The following MAP7 variants were observed in gnomAD, a reference collection of about 807,000 sequenced individuals.
MAP7 encodes the protein ensconsin.
In MAP7, 52 loss-of-function variants were observed where a neutral mutation model predicts 94.8. That is an observed-to-expected ratio of 0.55 (90% CI 0.44 to 0.69). The LOEUF (loss-of-function observed/expected upper bound fraction) is 0.69, where lower values mean the gene tolerates loss of function less well. Ranked by LOEUF, MAP7 falls within the 30% of genes least tolerant of loss-of-function variation. The pLI is 0.00. For synonymous variants in MAP7, 350 were observed against 357.0 expected (o/e 0.98, Z 0.22); for missense variants, 940 against 964.6 (o/e 0.97, Z 0.34).
intron 1 of MAP7, among the ~76,000 whole-genome samples, chr6:136,457,505 C>A (rs533002736): frequency 2.2e-4 from 34 of 152,204 alleles, no homozygotes; most frequent in African/African-American, 8.2e-4. Flanking sequence ...GCCTAAGACA[C>A]TACAAGACAA....
intron 3 of MAP7, among the ~76,000 whole-genome samples, chr6:136,399,996 T>C (rs907289773): frequency 2.0e-5 from 3 of 152,174 alleles, no homozygotes. Flanking sequence ...AATGGAAAAG[T>C]TTAGCACACC....
At chr6:136,465,812 G>A (rs1226800721) in intron 1 of MAP7, among the ~76,000 whole-genome samples, 1 of 152,078 alleles carries the variant, frequency 6.6e-6, no homozygotes, top group Non-Finnish European at 1.5e-5. Flanking sequence ...TCTAACAGTT[G>A]CTGGATACTG....
intron 5 of MAP7, among the ~76,000 whole-genome samples, chr6:136,388,059 A>G (rs1397283324): frequency 6.6e-6 from 1 of 152,246 alleles, no homozygotes; most frequent in Admixed American, 6.5e-5. Context: ...AGATAAAACT[A>G]GTTAACTTAT....
chr6:136,431,023 C>T (rs914764697), intron 1 of MAP7, among the ~76,000 whole-genome samples: 5 of 152,172 alleles, frequency 3.3e-5, no homozygotes, highest in Admixed American at 6.5e-5. Context: ...TGAGGGGCCA[C>T]GCTTGACGAT....
intron 1 of MAP7, among the ~76,000 whole-genome samples, chr6:136,506,886 A>G (rs2129020253): frequency 6.6e-6 from 1 of 152,328 alleles, no homozygotes; most frequent in East Asian, 1.9e-4. Context: ...AATCACTCAT[A>G]GACTGCTGAG....
intron 1 of MAP7, among the ~76,000 whole-genome samples, chr6:136,462,073 G>C (rs886348737): frequency 6.6e-6 from 1 of 151,594 alleles, no homozygotes; most frequent in African/African-American, 2.4e-5. Flanking sequence ...TGTCATACTT[G>C]TAGTCCCAGC....
Position 136,468,155 on chromosome 6 carries a change from A to T in MAP7, c.68-46356T>A, listed in dbSNP as rs372747864. On this transcript the variant is annotated intron_variant, in intron 1 of 17. Coordinates refer to ENST00000354570, the MANE Select transcript of MAP7 (RefSeq NM_003980.6). ...AGTAGCCTATATAGACATGGGCAAC[A>T]CCTTGCGTGCATGGCTCCTTACCTT... Among the ~76,000 whole-genome samples, 30 of 152,168 alleles carry T rather than the reference A, an allele frequency of 2.0e-4. No individual in the cohort carries two copies. In the East Asian group the frequency reaches 2.3e-3, roughly 12 times the overall value.
At chr6:136,374,324 G>C (rs1775456208) in intron 7 of MAP7, among the ~76,000 whole-genome samples, 1 of 152,132 alleles carries the variant, frequency 6.6e-6, no homozygotes, top group Non-Finnish European at 1.5e-5. Context: ...GCCACAACAA[G>C]GCATTTGCAT....
At chr6:136,518,757 G>C (rs1307292649) in intron 1 of MAP7, among the ~76,000 whole-genome samples, 1 of 152,164 alleles carries the variant, frequency 6.6e-6, no homozygotes, top group Admixed American at 6.6e-5. Flanking sequence ...ACACACAGAT[G>C]TTAATGGAAA....
chr6:136,394,698 T>C (rs1424934245), intron 3 of MAP7, among the ~76,000 whole-genome samples: 1 of 151,394 alleles, frequency 6.6e-6, no homozygotes, highest in Non-Finnish European at 1.5e-5. Context: ...TTTGTAACCA[T>C]TAACAAACCT....
chr6:136,425,029 T>C (rs4896209), intron 1 of MAP7, among the ~76,000 whole-genome samples: 112,462 of 151,664 alleles, frequency 0.74, 42,767 homozygotes, highest in Middle Eastern at 0.85. Flanking sequence ...GGGTAGTCCC[T>C]GACCATACAT....
intron 1 of MAP7, among the ~76,000 whole-genome samples, chr6:136,543,940 G>A (rs997891928): frequency 5.3e-5 from 8 of 151,976 alleles, no homozygotes; most frequent in South Asian, 2.1e-4. Context: ...TATTTTTTTC[G>A]AGAAGGTGTC....
rs754282158 is a variant in MAP7 at position 136,377,861 on chromosome 6, G to A, written c.645C>T (p.Arg215=). ...TLLNSPDRAR[R]LQLSPWESSV... Reference sequence around the variant, plus strand: ...TGCTCTCCCATGGGCTGAGCTGCAGGCGGCGAGCTAAACGTCACCACATAA... The same window carrying A: ...TGCTCTCCCATGGGCTGAGCTGCAGACGGCGAGCTAAACGTCACCACATAA... Residue 215 remains arginine (R), a synonymous_variant, in exon 7 of 18, where the codon CGC becomes CGT. Transcript: ENST00000354570. The A allele has an allele frequency of 1.2e-6, 2 of 1,612,786 alleles. No homozygotes were observed. The highest frequency in any genetic ancestry group is 1.7e-6 in the Non-Finnish European group (2 of 1,178,970).
intron 1 of MAP7, among the ~76,000 whole-genome samples, chr6:136,486,833 C>A (rs1429702559): frequency 4.6e-5 from 7 of 152,070 alleles, no homozygotes; most frequent in African/African-American, 1.7e-4. Flanking sequence ...ATTCTCAAAA[C>A]AACAAAAATT....
intron 1 of MAP7, among the ~76,000 whole-genome samples, chr6:136,432,253 C>T (rs961794449): frequency 3.3e-5 from 5 of 152,156 alleles, no homozygotes; most frequent in South Asian, 2.1e-4. Flanking sequence ...AGAATAAAGT[C>T]CATGCATCTT....
At chr6:136,359,765 G>T in intron 15 of MAP7, 55 bp downstream of exon 15, 3 of 1,493,702 alleles carry the variant, frequency 2.0e-6, no homozygotes, top group East Asian at 2.3e-5. Flanking sequence ...CACCCCTGGA[G>T]AGTCAATTTA....
chr6:136,474,402 T>C (rs1000993422), intron 1 of MAP7, among the ~76,000 whole-genome samples: 7 of 151,936 alleles, frequency 4.6e-5, no homozygotes, highest in African/African-American at 1.5e-4. Flanking sequence ...GTCACTGATA[T>C]CATAATCTGA....
intron 1 of MAP7, among the ~76,000 whole-genome samples, chr6:136,521,428 TTTGAGGGA>T (rs1331408005): frequency 3.3e-5 from 5 of 152,120 alleles, no homozygotes; most frequent in South Asian, 2.1e-4. Flanking sequence ...TCTTTCGTCT[TTTGAGGGA>T]GATGATAATT....
At chr6:136,344,790 C>A (rs1481638599) in intron 17 of MAP7, among the ~76,000 whole-genome samples, 1 of 152,218 alleles carries the variant, frequency 6.6e-6, no homozygotes, top group Non-Finnish European at 1.5e-5. Context: ...TGAGGTTCCA[C>A]TTCCAAGGTC....
Sources: gnomAD v4.1 joint callset for allele counts (sites outside exome capture counted in the v4.1 genomes callset) on GRCh38, gnomAD v4.1.1 for gene constraint, MANE v1.5 for transcripts, NCBI Gene and HGNC (gene_info 2026-07-23, HGNC 2026-07-21) for gene names.